The following KCNN2 variants were observed in gnomAD, a reference collection of about 807,000 sequenced individuals.
KCNN2 encodes the protein potassium calcium-activated channel subfamily N member 2.
A neutral mutation model predicts 55.5 loss-of-function variants in KCNN2; 24 were observed. The ratio of observed to expected loss-of-function variants is 0.43; its 90% CI spans 0.31 to 0.61. KCNN2 has a LOEUF of 0.61. Among genes scored for constraint, KCNN2 ranks in the 20% least tolerant of loss-of-function variants. The probability of loss-of-function intolerance (pLI) is 0.08; values close to 1 mark genes in which losing one functional copy is unlikely to be tolerated. For synonymous variants in KCNN2, 431 were observed against 336.1 expected, an observed-to-expected ratio of 1.28 and a Z score of -3.09; for missense variants, 754 against 853.6, an observed-to-expected ratio of 0.88 and a Z score of 1.45.
intron 2 of KCNN2, among the ~76,000 whole-genome samples, chr5:114,394,236 A>G (rs1215192938): frequency 6.6e-6 from 1 of 152,070 alleles, no homozygotes; most frequent in Non-Finnish European, 1.5e-5. Flanking sequence ...TCTTCTTATG[A>G]TTGAGGTTGG....
chr5:114,455,495 A>G (rs1760876587), intron 3 of KCNN2, among the ~76,000 whole-genome samples: 1 of 152,212 alleles, frequency 6.6e-6, no homozygotes. Context: ...TATTCCCTGA[A>G]ACGCAGTGAT....
chr5:114,256,406 T>G (rs950320395), intron 2 of KCNN2, among the ~76,000 whole-genome samples: 4 of 152,204 alleles, frequency 2.6e-5, no homozygotes, highest in African/African-American at 4.8e-5. Flanking sequence ...GTAGTGGAAT[T>G]GCTGGATTGA....
At chr5:114,125,490 A>G (rs1028134917) in intron 1 of KCNN2, among the ~76,000 whole-genome samples, 1 of 152,196 alleles carries the variant, frequency 6.6e-6, no homozygotes, top group African/African-American at 2.4e-5. Flanking sequence ...CAAGTAGGAA[A>G]GCTCTCCACT....
chr5:114,438,510 T>A (rs1019420706), intron 3 of KCNN2, among the ~76,000 whole-genome samples: 4 of 152,310 alleles, frequency 2.6e-5, no homozygotes, highest in Admixed American at 2.0e-4. Flanking sequence ...ATCTCTAATT[T>A]CACGCCTCAC....
chr5:114,175,071 A>G (rs968376382), intron 1 of KCNN2, among the ~76,000 whole-genome samples: 2 of 152,196 alleles, frequency 1.3e-5, no homozygotes, highest in Non-Finnish European at 2.9e-5. Context: ...TATTCTCAGC[A>G]TGTTATGACA....
At chr5:114,486,518 T>C (rs1177317626) in intron 5 of KCNN2, among the ~76,000 whole-genome samples, 4 of 152,190 alleles carry the variant, frequency 2.6e-5, no homozygotes, top group Non-Finnish European at 5.9e-5. Context: ...CGTCAGTTAA[T>C]TAAAGTATAC....
chr5:114,128,144 A>G (rs913547457), intron 1 of KCNN2, among the ~76,000 whole-genome samples: 10 of 151,922 alleles, frequency 6.6e-5, no homozygotes, highest in Non-Finnish European at 1.0e-4. Flanking sequence ...TTATAACAGC[A>G]CCCCACTACC....
intron 5 of KCNN2, among the ~76,000 whole-genome samples, chr5:114,484,283 G>A (rs552137918): frequency 1.1e-3 from 163 of 152,206 alleles, no homozygotes; most frequent in African/African-American, 3.6e-3. Context: ...TTATATGGCA[G>A]GGTTCTTGAC....
At chr5:114,143,797 G>A (rs533135281) in intron 1 of KCNN2, among the ~76,000 whole-genome samples, 2 of 152,126 alleles carry the variant, frequency 1.3e-5, no homozygotes, top group Non-Finnish European at 2.9e-5. Flanking sequence ...CTTTTATTCT[G>A]TAGTAGCAAT....
At chr5:114,492,137 T>C (rs1747887918) in intron 6 of KCNN2, among the ~76,000 whole-genome samples, 1 of 152,132 alleles carries the variant, frequency 6.6e-6, no homozygotes, top group Admixed American at 6.6e-5. Context: ...TCAGCTAAAC[T>C]TACTGGCAGA....
rs531426785 is a variant in KCNN2 at position 114,349,172 on chromosome 5, C to T, written c.-184-11773C>T. 4.6e-5 allele frequency among the ~76,000 whole-genome samples: 7 copies of T among 152,196 alleles called. No homozygotes were observed. In the East Asian group the frequency reaches 9.6e-4, roughly 21 times the overall value. ...ATATGGAATCATGTAACGTGTTCTG[C>T]GACTGGCTTTCCTTTATGTCTTTTC... On this transcript the variant is annotated intron_variant, in intron 2 of 10. Transcript: ENST00000512097.
At chr5:114,218,165 G>T (rs1035453617) in intron 1 of KCNN2, among the ~76,000 whole-genome samples, 4 of 152,220 alleles carry the variant, frequency 2.6e-5, no homozygotes, top group African/African-American at 7.2e-5. Context: ...TGCTTTGGAA[G>T]ACAGTTTACT....
intron 1 of KCNN2, among the ~76,000 whole-genome samples, chr5:114,167,616 A>T (rs971304873): frequency 1.3e-5 from 2 of 152,138 alleles, no homozygotes; most frequent in Non-Finnish European, 2.9e-5. Flanking sequence ...AGAAAGAGTT[A>T]CTATCTGTTT....
At chr5:114,209,761 A>G (rs1339506090) in intron 1 of KCNN2, among the ~76,000 whole-genome samples, 1 of 152,202 alleles carries the variant, frequency 6.6e-6, no homozygotes, top group Non-Finnish European at 1.5e-5. Context: ...TCCTAAAATT[A>G]TAAGATTTCC....
chr5:114,123,793 T>C (rs772077509), intron 1 of KCNN2, among the ~76,000 whole-genome samples: 1 of 152,240 alleles, frequency 6.6e-6, no homozygotes, highest in Non-Finnish European at 1.5e-5. Context: ...TCTCTTACAC[T>C]GTATGCTCCT....
chr5:114,297,287 C>T (rs919151550), intron 2 of KCNN2, among the ~76,000 whole-genome samples: 1 of 152,038 alleles, frequency 6.6e-6, no homozygotes, highest in Non-Finnish European at 1.5e-5. Context: ...CACTGCACTG[C>T]AGCCTGGGTG....
intron 1 of KCNN2, among the ~76,000 whole-genome samples, chr5:114,065,222 G>T: frequency 6.6e-6 from 1 of 152,142 alleles, no homozygotes; most frequent in Middle Eastern, 3.2e-3. Context: ...AGACAAAAGA[G>T]GAACTTAGCT....
intron 1 of KCNN2, among the ~76,000 whole-genome samples, chr5:114,192,342 G>C (rs1005917944): frequency 6.6e-6 from 1 of 152,118 alleles, no homozygotes; most frequent in African/African-American, 2.4e-5. Flanking sequence ...CAGTGACTTA[G>C]AGTTTGCTAG....
intron 1 of KCNN2, among the ~76,000 whole-genome samples, chr5:114,185,670 C>T (rs531335549): frequency 6.6e-6 from 1 of 152,306 alleles, no homozygotes; most frequent in Admixed American, 6.5e-5. Context: ...AGACAAGAAC[C>T]CCGTCTTTAG....
Sources: allele counts gnomAD v4.1 joint callset (sites outside exome capture counted in the v4.1 genomes callset), GRCh38; gene constraint gnomAD v4.1.1; transcripts MANE v1.5; gene names NCBI Gene and HGNC (gene_info 2026-07-23, HGNC 2026-07-21).